SHE: variants seen among roughly 807,000 people sequenced by gnomAD.
SHE encodes the protein Src homology 2 domain containing E.
SHE carries 11 observed loss-of-function variants against 49.8 expected under a neutral mutation model. The ratio of observed to expected loss-of-function variants is 0.22; its 90% CI spans 0.14 to 0.37. The LOEUF is 0.37. SHE is among the 10% of genes least tolerant of loss of function. SHE has a pLI of 1.00. For synonymous variants in SHE, 310 were observed against 278.1 expected (o/e 1.11, Z -1.14); for missense variants, 624 against 655.5 (o/e 0.95, Z 0.52).
chr1:154,491,768 G>A (rs1308772732), intron 2 of SHE, among the ~76,000 whole-genome samples: 1 of 151,734 alleles, frequency 6.6e-6, no homozygotes, highest in Non-Finnish European at 1.5e-5. Flanking sequence ...GGAGGAATAC[G>A]TCAAGGGGTT....
chr1:154,491,506 C>A (rs557613205), intron 2 of SHE, among the ~76,000 whole-genome samples: 1 of 152,180 alleles, frequency 6.6e-6, no homozygotes, highest in Non-Finnish European at 1.5e-5. Context: ...TCTCTGATAC[C>A]CCACAAAGTT....
In SHE at chr1:154,480,053, T is replaced by C; in HGVS notation, c.*4096A>G. ...ATCTCTCTTCACACAGGGTCAGCGG[T>C]GGAGGGTAAGTTGAACAGAAGGCCC... On this transcript the variant is annotated 3_prime_UTR_variant, in exon 6 of 6. Coordinates refer to ENST00000304760, the MANE Select transcript of SHE (RefSeq NM_001010846.3). The C allele has an allele frequency of 2.0e-6, 2 of 985,400 alleles. No individual in the cohort carries two copies. The highest frequency in any genetic ancestry group is 2.4e-6 in the Non-Finnish European group (2 of 829,920). 61.0% of individuals were successfully genotyped at this position (985,400 alleles called of 1,614,324 possible).
chr1:154,500,057 G>C (rs1423237823), intron 1 of SHE, among the ~76,000 whole-genome samples: 1 of 151,956 alleles, frequency 6.6e-6, no homozygotes, highest in Non-Finnish European at 1.5e-5. Context: ...GAGTTTAGAA[G>C]TAACACTGGA....
rs1427534193 is a variant in SHE, at chr1:154,479,552, A to G, written c.*4597T>C. On this transcript the variant is annotated 3_prime_UTR_variant, in exon 6 of 6. Coordinates refer to ENST00000304760, the MANE Select transcript of SHE (RefSeq NM_001010846.3). ...ATCTTCAGGAGGGCATGAAGCCTAT[A>G]TTGGCTACTGCAAAACAACCAGAAG... The G allele has an allele frequency of 1.0e-6, 1 of 984,654 alleles. No homozygotes were observed. Among genetic ancestry groups the G allele is most frequent in the East Asian group, 1.1e-4 (1 of 8,828 alleles). 61.0% of individuals were successfully genotyped at this position (984,654 alleles called of 1,614,324 possible).
At chr1:154,492,543 AGGTCAG>A (rs1692400241) in intron 2 of SHE, among the ~76,000 whole-genome samples, 1 of 152,162 alleles carries the variant, frequency 6.6e-6, no homozygotes, top group South Asian at 2.1e-4. Context: ...GGGTTGTCTG[AGGTCAG>A]AGCTGCATCT....
At chr1:154,475,720 A>G (rs1369180051), downstream of SHE, among the ~76,000 whole-genome samples, 1 of 152,196 alleles carries the variant, frequency 6.6e-6, no homozygotes, top group East Asian at 1.9e-4. Context: ...GACAAAACAA[A>G]ATTGGCTGTA....
chr1:154,485,669 T>C (rs1222296264), intron 5 of SHE: 4 of 332,816 alleles, frequency 1.2e-5, no homozygotes, highest in Non-Finnish European at 2.3e-5. Flanking sequence ...GAGGGCCTAC[T>C]CCAGATTAGG....
At position 154,489,076 on chromosome 1, in the gene SHE, C is replaced by A; in HGVS notation, c.999G>T (p.Lys333Asn). 1.3e-6 allele frequency: 2 copies of A among 1,597,244 alleles called. No individual in the cohort carries two copies. Among genetic ancestry groups the A allele is most frequent in the Non-Finnish European group, 1.7e-6 (2 of 1,169,624 alleles). ...CTGACAGAGCCCGCACGATCTGCTC[C>A]TTCTTCCACTCCCATGGCTGCTCGT... ...AEYEQPWEWK[K>N]EQIVRALSVQ... Residue 333 changes from lysine to asparagine, a missense_variant, in exon 3 of 6, where the codon AAG (lysine) becomes AAT (asparagine). Physicochemically the swap from Lys to Asn is moderately conservative, Grantham distance 94. Transcript: ENST00000304760.
intron 1 of SHE, among the ~76,000 whole-genome samples, chr1:154,474,306 C>T (rs1376300584): frequency 6.6e-6 from 1 of 152,188 alleles, no homozygotes; most frequent in Non-Finnish European, 1.5e-5. Context: ...CAGTGGCAGC[C>T]AGAGATGGGT....
At chr1:154,488,090 G>A (rs1205694110) in intron 3 of SHE, among the ~76,000 whole-genome samples, 10 of 149,330 alleles carry the variant, frequency 6.7e-5, no homozygotes, top group Admixed American at 5.3e-4. Flanking sequence ...CTACAGGTGC[G>A]TGCCACAACA....
rs2149289392 is a variant in SHE at position 154,481,049 on chromosome 1, ACTACAGGAAAATACTTGTC to A, written c.*3081_*3099del. The A allele has an allele frequency of 4.1e-6, 4 of 985,476 alleles. No homozygotes were observed. Among genetic ancestry groups the A allele is most frequent in the East Asian group, 2.3e-4 (2 of 8,816 alleles). The allele number at this position is 985,476 out of a possible 1,614,324, so 61.0% of individuals were successfully genotyped here. A position where few individuals can be genotyped will look rare whatever the true frequency, so the allele number is the denominator to read the frequency against. On this transcript the variant is annotated 3_prime_UTR_variant, in exon 6 of 6. Coordinates refer to ENST00000304760, the MANE Select transcript of SHE (RefSeq NM_001010846.3). ...GATGGAATAACTCGAAGGAATGAGG[ACTACAGGAAAATACTTGTC>A]TCAAGACAAAATGACAAAAAGCCAG... is the stretch of plus-strand genomic sequence containing the variant.
chr1:154,496,678 G>GT (rs1208607380), intron 2 of SHE, among the ~76,000 whole-genome samples: 1 of 151,508 alleles, frequency 6.6e-6, no homozygotes, highest in Non-Finnish European at 1.5e-5. Flanking sequence ...CTTTGATCTT[G>GT]TTTTTTGTCA....
At position 154,479,790 on chromosome 1, in the gene SHE, T is replaced by C. The variant is rs1002980671; in HGVS notation, c.*4359A>G. The C allele has an allele frequency of 1.0e-6, 1 of 985,266 alleles. No individual in the cohort carries two copies. Among genetic ancestry groups the C allele is most frequent in the African/African-American group, 1.7e-5 (1 of 57,220 alleles). 61.0% of individuals were successfully genotyped at this position (985,266 alleles called of 1,614,324 possible). ...CCAGCATATTAATTAAAATACAATTTGAGATTCTAAATTACACGATCCAGC... is the reference window on the plus strand; with the variant it reads ...CCAGCATATTAATTAAAATACAATTCGAGATTCTAAATTACACGATCCAGC... On this transcript the variant is annotated 3_prime_UTR_variant, in exon 6 of 6. Coordinates refer to ENST00000304760, the MANE Select transcript of SHE (RefSeq NM_001010846.3).
At chr1:154,499,023 C>T in intron 2 of SHE, 89 bp downstream of exon 2, 9 of 1,471,660 alleles carry the variant, frequency 6.1e-6, no homozygotes, top group South Asian at 2.9e-5. Flanking sequence ...TTGCTTTATC[C>T]CTCTTCCCCA....
intron 2 of SHE, among the ~76,000 whole-genome samples, chr1:154,492,624 T>C (rs1001635625): frequency 1.3e-5 from 2 of 152,152 alleles, no homozygotes; most frequent in Admixed American, 1.3e-4. Context: ...AACAGAGCTA[T>C]GGAAAACAAG....
intron 2 of SHE, among the ~76,000 whole-genome samples, chr1:154,493,640 A>G (rs1396805660): frequency 6.6e-6 from 1 of 152,190 alleles, no homozygotes; most frequent in Non-Finnish European, 1.5e-5. Context: ...TTCCCTTCTC[A>G]ATCCCCAACT....
chr1:154,488,547 T>TGTGCC (rs1291214201), intron 3 of SHE, among the ~76,000 whole-genome samples: 2 of 151,762 alleles, frequency 1.3e-5, no homozygotes, highest in African/African-American at 4.8e-5. Context: ...TGTGAGCCAC[T>TGTGCC]GTGCCCGGCT....
chr1:154,488,468 A>C (rs1305768830), intron 3 of SHE, among the ~76,000 whole-genome samples: 1 of 152,140 alleles, frequency 6.6e-6, no homozygotes, highest in Non-Finnish European at 1.5e-5. Context: ...CATGTTGGCC[A>C]GGCCGGTCTT....
At position 154,501,471 on chromosome 1, in the gene SHE, G is replaced by C. The variant is rs375939195; in HGVS notation, c.556C>G (p.Leu186Val). The C allele has an allele frequency of 6.2e-7, 1 of 1,614,190 alleles. No individual in the cohort carries two copies. The change falls in exon 1 of 6, where the codon CTG (leucine) becomes GTG (valine). Residue 186 changes from leucine to valine, a missense_variant. This residue lies in a region of SHE where 337 missense variants were observed against 306.0 expected (regional missense o/e 1.10). Transcript: ENST00000304760. ...SSSPSSLGPELDKGKIIKQQE... is the reference protein window; with the variant it reads ...SSSPSSLGPEVDKGKIIKQQE... Reference sequence around the variant, plus strand: ...TGCTTAATAATCTTGCCCTTGTCCAGCTCGGGCCCCAGGGAGGAAGGGGAA... The same window carrying C: ...TGCTTAATAATCTTGCCCTTGTCCACCTCGGGCCCCAGGGAGGAAGGGGAA...
Sources: gnomAD v4.1 joint callset for allele counts (sites outside exome capture counted in the v4.1 genomes callset) on GRCh38, gnomAD v4.1.1 for gene constraint, gnomAD v4.1.1 regional missense constraint, MANE v1.5 for transcripts, NCBI Gene and HGNC (gene_info 2026-07-23, HGNC 2026-07-21) for gene names.